Variants in MCPH1 observed in about 807,000 individuals in gnomAD.
MCPH1 encodes microcephalin.
A neutral mutation model predicts 84.5 loss-of-function variants in MCPH1; 104 were observed. The observed-to-expected ratio is 1.23, with a 90% CI of 1.05 to 1.45. The LOEUF is 1.45. Ranked by LOEUF, MCPH1 falls within the 40% of genes most tolerant of loss-of-function variation. The pLI is 0.00. For missense variants in MCPH1, 1,498 were observed against 1,005.7 expected (o/e 1.49, Z -6.62); for synonymous variants, 514 against 366.8 (o/e 1.40, Z -4.58).
chr8:6,626,554 A>T, intron 13 of MCPH1: 1 of 984,822 alleles, frequency 1.0e-6, no homozygotes, highest in Non-Finnish European at 1.2e-6. Flanking sequence ...GGAAAACAAA[A>T]ATCAAATTCC....
intron 12 of MCPH1, among the ~76,000 whole-genome samples, chr8:6,522,821 A>T (rs1817624695): frequency 1.3e-5 from 2 of 151,980 alleles, no homozygotes; most frequent in South Asian, 4.1e-4. Flanking sequence ...TGAATCACAT[A>T]CCTAAAGTCA....
At chr8:6,514,594 A>G (rs1815866092) in intron 12 of MCPH1, 1 of 1,221,232 alleles carries the variant, frequency 8.2e-7, no homozygotes, top group Non-Finnish European at 1.2e-6. Context: ...TTAGTTTGGG[A>G]TTGGTGGTTA....
Position 6,444,928 on chromosome 8 carries a change from G to A in MCPH1, c.1206G>A (p.Leu402=). The change falls in exon 8 of 14, where the codon CTG becomes CTA. Residue 402 remains leucine (L), a synonymous_variant. Coordinates refer to ENST00000344683, the MANE Select transcript of MCPH1 (RefSeq NM_024596.5). ...DRLQHVAGPA[L]EALSCGESSY... ...TGCAGCACGTGGCGGGACCTGCCCTGGAGGCTCTTAGCTGTGGGGAGTCTT... is the reference window on the plus strand; with the variant it reads ...TGCAGCACGTGGCGGGACCTGCCCTAGAGGCTCTTAGCTGTGGGGAGTCTT... The A allele has an allele frequency of 6.2e-7, 1 of 1,614,130 alleles. No individual in the cohort carries two copies. The highest frequency in any genetic ancestry group is 8.5e-7 in the Non-Finnish European group (1 of 1,179,998).
chr8:6,594,676 C>CCTGCAGGGGA (rs11279825), intron 12 of MCPH1, among the ~76,000 whole-genome samples: 3,774 of 150,838 alleles, frequency 0.025, 160 homozygotes, highest in African/African-American at 0.077. Flanking sequence ...TCAGTGTTCT[C>CCTGCAGGGGA]CTGCAGGGGA....
At chr8:6,637,786 G>A (rs116667535) in intron 13 of MCPH1, among the ~76,000 whole-genome samples, 1,597 of 152,248 alleles carry the variant, frequency 0.01, 29 homozygotes, top group African/African-American at 0.036. Flanking sequence ...AATGGAAGCA[G>A]AGAAAGCAGT....
chr8:6,559,396 T>C (rs1234260156), intron 12 of MCPH1, among the ~76,000 whole-genome samples: 2 of 152,180 alleles, frequency 1.3e-5, no homozygotes, highest in African/African-American at 4.8e-5. Context: ...CATTCGTGAG[T>C]AGTAGCTCTC....
intron 12 of MCPH1, among the ~76,000 whole-genome samples, chr8:6,592,548 T>C (rs1284348317): frequency 6.6e-6 from 1 of 150,960 alleles, no homozygotes; most frequent in Non-Finnish European, 1.5e-5. Context: ...CCTCTCTCTC[T>C]AAAAGTAACT....
At chr8:6,577,181 C>T (rs1020540324) in intron 12 of MCPH1, among the ~76,000 whole-genome samples, 7 of 152,192 alleles carry the variant, frequency 4.6e-5, no homozygotes, top group African/African-American at 7.2e-5. Flanking sequence ...TCCAGGTGGC[C>T]AGCGCCTCTT....
intron 12 of MCPH1, among the ~76,000 whole-genome samples, chr8:6,568,499 A>C (rs140406518): frequency 1.4e-4 from 21 of 152,330 alleles, no homozygotes; most frequent in Middle Eastern, 3.4e-3. Context: ...TGTCCAGTTT[A>C]ATGCTCAGCA....
intron 12 of MCPH1, chr8:6,562,572 G>GTTTTTAAAACCTGA: frequency 2.3e-5 from 1 of 42,834 alleles, no homozygotes; most frequent in Non-Finnish European, 4.8e-5. Flanking sequence ...TTTTTTTTTT[G>GTTTTTAAAACCTGA]GTTGTTAAAA....
At chr8:6,471,069 G>A (rs1156427249) in intron 9 of MCPH1, among the ~76,000 whole-genome samples, 1 of 152,060 alleles carries the variant, frequency 6.6e-6, no homozygotes, top group Non-Finnish European at 1.5e-5. Flanking sequence ...CTATAAATTT[G>A]GGGGAATGCC....
intron 9 of MCPH1, among the ~76,000 whole-genome samples, chr8:6,470,207 G>A (rs905243068): frequency 1.3e-5 from 2 of 152,114 alleles, no homozygotes; most frequent in East Asian, 1.9e-4. Flanking sequence ...AAAGGTTTCA[G>A]CTTCCTGGAG....
At chr8:6,586,579 G>C (rs1004902881) in intron 12 of MCPH1, among the ~76,000 whole-genome samples, 5 of 152,164 alleles carry the variant, frequency 3.3e-5, no homozygotes, top group African/African-American at 1.2e-4. Context: ...ATAGGGCTTA[G>C]AACTGCATGT....
intron 13 of MCPH1, chr8:6,625,313 A>T (rs1586855384): frequency 3.0e-6 from 3 of 985,436 alleles, no homozygotes; most frequent in East Asian, 2.3e-4. Flanking sequence ...TAGGCTTCTT[A>T]AGTGTGGCAG....
chr8:6,571,386 A>T (rs145725992), intron 12 of MCPH1, among the ~76,000 whole-genome samples: 1 of 152,190 alleles, frequency 6.6e-6, no homozygotes, highest in Non-Finnish European at 1.5e-5. Context: ...CTTATTTGTT[A>T]TAAGTCACAT....
At chr8:6,640,059 C>CGTGTGTGT (rs147642349) in intron 13 of MCPH1, among the ~76,000 whole-genome samples, 5,149 of 134,142 alleles carry the variant, frequency 0.038, 133 homozygotes, top group Admixed American at 0.075. Flanking sequence ...ATTTTAAACT[C>CGTGTGTGT]GTGTGTGTGT....
At chr8:6,617,900 AATCTATCTATCTATCTATCT>A (rs142071946) in intron 12 of MCPH1, among the ~76,000 whole-genome samples, 1 of 143,014 alleles carries the variant, frequency 7.0e-6, no homozygotes, top group Non-Finnish European at 1.5e-5. Flanking sequence ...CTATCTATCT[AATCTATCTATCTATCTATCT>A]ATCTATCTAT....
intron 12 of MCPH1, among the ~76,000 whole-genome samples, chr8:6,611,919 G>A (rs2980666): frequency 0.94 from 142,442 of 152,258 alleles, 67,127 homozygotes; most frequent in Middle Eastern, 0.99. Context: ...CGCCCGGCCT[G>A]ACGTCGGGAT....
intron 13 of MCPH1, 38 bp downstream of exon 13, chr8:6,621,729 A>G: frequency 6.2e-7 from 1 of 1,613,480 alleles, no homozygotes; most frequent in South Asian, 1.1e-5. Context: ...GGTGTGGTCC[A>G]GATCTGTGGA....
Sources: allele counts gnomAD v4.1 joint callset (sites outside exome capture counted in the v4.1 genomes callset), GRCh38; gene constraint gnomAD v4.1.1; transcripts MANE v1.5; gene names NCBI Gene and HGNC (gene_info 2026-07-23, HGNC 2026-07-21).